The following ACER2 variants were observed in gnomAD, a reference collection of about 807,000 sequenced individuals.
The protein encoded by ACER2 is alkCDase 2.
A neutral mutation model predicts 34.7 loss-of-function variants in ACER2; 26 were observed. That is an observed-to-expected ratio of 0.75 (90% confidence interval 0.55 to 1.04). The LOEUF is 1.04. Among genes scored for constraint, ACER2 ranks in the 50% least tolerant of loss-of-function variants. The pLI is 0.00. For missense variants in ACER2, 352 were observed against 340.8 expected (o/e 1.03, Z -0.26); for synonymous variants, 138 against 132.1 (o/e 1.04, Z -0.31).
intron 1 of ACER2, among the ~76,000 whole-genome samples, chr9:19,411,828 C>T (rs1830095484): frequency 6.6e-6 from 1 of 152,200 alleles, no homozygotes; most frequent in African/African-American, 2.4e-5. Flanking sequence ...ATCACTACTA[C>T]ACCTTCAGAT....
At position 19,451,807 on chromosome 9, in the gene ACER2, C is replaced by A. The variant is rs1271971538; in HGVS notation, c.*1171C>A. On this transcript the variant is annotated 3_prime_UTR_variant, in exon 6 of 6. Coordinates refer to ENST00000340967, the MANE Select transcript of ACER2 (RefSeq NM_001010887.3). The stretch of plus-strand genomic sequence containing the variant: ...TTGGAAACGTTTTCTCATTTGAAGC[C>A]TCCAGTATGCTGTACTATTCTGGAA... The A allele has an allele frequency of 6.6e-6, 1 of 152,174 alleles. No individual in the cohort carries two copies. Among genetic ancestry groups the A allele is most frequent in the Non-Finnish European group, 1.5e-5 (1 of 68,038 alleles). 9.4% of individuals were successfully genotyped at this position (152,174 alleles called of 1,614,324 possible).
chr9:19,442,314 A>G (rs1000342527), intron 4 of ACER2, among the ~76,000 whole-genome samples: 1 of 152,234 alleles, frequency 6.6e-6, no homozygotes, highest in Non-Finnish European at 1.5e-5. Context: ...CCTGCTGTAC[A>G]TGTGATTTTT....
intron 3 of ACER2, among the ~76,000 whole-genome samples, chr9:19,425,515 A>C (rs556455215): frequency 6.6e-6 from 1 of 152,260 alleles, no homozygotes; most frequent in Non-Finnish European, 1.5e-5. Flanking sequence ...TATCACAGTA[A>C]ACAAAACAGC....
intron 3 of ACER2, among the ~76,000 whole-genome samples, chr9:19,427,294 C>A (rs1043776312): frequency 8.5e-5 from 13 of 152,232 alleles, no homozygotes; most frequent in African/African-American, 3.1e-4. Context: ...GATATGCATA[C>A]AAATCGATGG....
In ACER2 at chr9:19,452,170, C is replaced by G. The variant is rs1224809437; in HGVS notation, c.*1534C>G. 2.6e-5 allele frequency: 4 copies of G among 152,652 alleles called. No individual in the cohort carries two copies. Among genetic ancestry groups the G allele is most frequent in the Admixed American group, 6.5e-5 (1 of 15,286 alleles). The allele number at this position is 152,652 out of a possible 1,614,324, so 9.5% of individuals were successfully genotyped here. A position where few individuals can be genotyped will look rare whatever the true frequency, so the allele number is the denominator to read the frequency against. ...CTCATTTTAACTCAGGCGTGTCCTG[C>G]TTTGTAACATTCCATTGTTGGGAGA... is the stretch of plus-strand genomic sequence containing the variant. On this transcript the variant is annotated 3_prime_UTR_variant, in exon 6 of 6. Coordinates refer to ENST00000340967, the MANE Select transcript of ACER2 (RefSeq NM_001010887.3).
At position 19,413,569 on chromosome 9, in the gene ACER2, C is replaced by T. The variant is rs531568591; in HGVS notation, c.108+4377C>T. On this transcript the variant is annotated intron_variant, in intron 1 of 5. Coordinates refer to ENST00000340967, the MANE Select transcript of ACER2 (RefSeq NM_001010887.3). ...GAGCCAAGATGAGGCCACTGCATTC[C>T]AGCCTGGGTGACAGAGCAAGATTCC... Among the ~76,000 whole-genome samples the T allele has an allele frequency of 6.2e-4, 93 of 150,554 alleles. No homozygotes were observed. The South Asian group carries it at 6.3e-3, about 10-fold the overall frequency.
In ACER2 at chr9:19,423,985, A is replaced by C. The variant is rs1483232430; in HGVS notation, c.223+9A>C. ...TCTTTTGGTTGTAGTGGGTAAGTGG[A>C]GTCATTTGGGAACACGGACTTAATG... is the stretch of plus-strand genomic sequence containing the variant. On this transcript the variant is annotated intron_variant, in intron 2 of 5. Transcript: ENST00000340967. 2.5e-6 allele frequency: 4 copies of C among 1,597,648 alleles called. No homozygotes were observed. The highest frequency in any genetic ancestry group is 1.7e-5 in the Admixed American group (1 of 59,996).
intron 3 of ACER2, among the ~76,000 whole-genome samples, chr9:19,434,106 G>A (rs1291550441): frequency 6.6e-6 from 1 of 151,442 alleles, no homozygotes; most frequent in African/African-American, 2.4e-5. Context: ...GGTGGCGGCC[G>A]GGCAGAGGCG....
At chr9:19,433,900 C>T (rs1784424770) in intron 3 of ACER2, among the ~76,000 whole-genome samples, 1 of 147,886 alleles carries the variant, frequency 6.8e-6, no homozygotes, top group East Asian at 2.0e-4. Context: ...GGCGGCTGGC[C>T]GGGTAGGGGG....
At chr9:19,439,736 G>A (rs1831087266) in intron 4 of ACER2, among the ~76,000 whole-genome samples, 1 of 152,226 alleles carries the variant, frequency 6.6e-6, no homozygotes, top group South Asian at 2.1e-4. Flanking sequence ...GGGAGGCCGA[G>A]GAGGGTGGAT....
chr9:19,448,785 T>C (rs939725000), intron 5 of ACER2, among the ~76,000 whole-genome samples: 1 of 152,240 alleles, frequency 6.6e-6, no homozygotes. Flanking sequence ...AAATGTCAAT[T>C]TGTGATGTGT....
rs903349476 is a variant in ACER2 at position 19,409,106 on chromosome 9, G to T, written c.22G>T (p.Asp8Tyr). 9.4e-6 allele frequency: 15 copies of T among 1,600,860 alleles called. No individual in the cohort carries two copies. The highest frequency in any genetic ancestry group is 1.2e-5 in the Non-Finnish European group (14 of 1,174,448). Residue 8 changes from aspartate to tyrosine, a missense_variant, in exon 1 of 6, where the codon GAC (aspartate) becomes TAC (tyrosine). Physicochemically the swap from Asp to Tyr is radical, Grantham distance 160 (BLOSUM62 -3). Transcript: ENST00000340967. Reference sequence around the variant, plus strand: ...GGCCATGGGCGCCCCGCACTGGTGGGACCAGCTGCAGGCTGGTAGCTCGGA... The same window carrying T: ...GGCCATGGGCGCCCCGCACTGGTGGTACCAGCTGCAGGCTGGTAGCTCGGA... MGAPHWW[D>Y]QLQAGSSEVD...
intron 5 of ACER2, among the ~76,000 whole-genome samples, chr9:19,447,292 G>A (rs947158199): frequency 2.6e-5 from 4 of 152,190 alleles, no homozygotes; most frequent in South Asian, 2.1e-4. Context: ...TTCAGGAAAA[G>A]GTTGACTTCT....
At chr9:19,410,284 A>G (rs1360597331) in intron 1 of ACER2, among the ~76,000 whole-genome samples, 1 of 152,202 alleles carries the variant, frequency 6.6e-6, no homozygotes, top group Non-Finnish European at 1.5e-5. Context: ...GGGAGCTGTC[A>G]TGCTCACATT....
At chr9:19,412,656 CAA>C (rs59209941) in intron 1 of ACER2, among the ~76,000 whole-genome samples, 19,857 of 91,558 alleles carry the variant, frequency 0.22, 1,264 homozygotes, top group South Asian at 0.34. Context: ...GATTCTGTCT[CAA>C]AAAAAAAAAA....
chr9:19,422,440 CAG>C (rs950844498), intron 1 of ACER2, among the ~76,000 whole-genome samples: 62 of 152,132 alleles, frequency 4.1e-4, no homozygotes, highest in African/African-American at 1.5e-3. Flanking sequence ...GGAGACATAA[CAG>C]AGAGGCTTAA....
chr9:19,443,567 T>C (rs1589066212), intron 4 of ACER2, among the ~76,000 whole-genome samples: 1 of 152,250 alleles, frequency 6.6e-6, no homozygotes, highest in Middle Eastern at 3.2e-3. Flanking sequence ...AGGAAGCATT[T>C]AACAGTGCCT....
At chr9:19,444,164 A>G (rs993598866) in intron 4 of ACER2, among the ~76,000 whole-genome samples, 96 of 150,732 alleles carry the variant, frequency 6.4e-4, no homozygotes, top group African/African-American at 2.3e-3. Context: ...TAAAAAAAAA[A>G]AAAAGAAAAG....
chr9:19,444,939 C>G (rs911921090), intron 4 of ACER2, among the ~76,000 whole-genome samples: 2 of 152,178 alleles, frequency 1.3e-5, no homozygotes, highest in South Asian at 2.1e-4. Context: ...CTGAACCTGT[C>G]CCACTTTTAT....
Sources: gnomAD v4.1 joint callset for allele counts (sites outside exome capture counted in the v4.1 genomes callset) on GRCh38, gnomAD v4.1.1 for gene constraint, MANE v1.5 for transcripts, NCBI Gene and HGNC (gene_info 2026-07-23, HGNC 2026-07-21) for gene names.